Variants in ADGRL2 observed in about 807,000 individuals in gnomAD.
ADGRL2 encodes the protein adhesion G protein-coupled receptor L2.
A neutral mutation model predicts 157.4 loss-of-function variants in ADGRL2; 44 were observed. The observed-to-expected ratio is 0.28, with a 90% CI of 0.22 to 0.36. The LOEUF (loss-of-function observed/expected upper bound fraction) is 0.36. ADGRL2 is among the 10% of genes least tolerant of loss of function. The probability of loss-of-function intolerance (pLI) is 1.00; values close to 1 mark genes in which losing one functional copy is unlikely to be tolerated. For synonymous variants in ADGRL2, 585 were observed against 624.7 expected (o/e 0.94, Z 0.95); for missense variants, 1,510 against 1,768.9 (o/e 0.85, Z 2.63).
intron 2 of ADGRL2, among the ~76,000 whole-genome samples, chr1:81,556,229 A>T (rs962418236): frequency 1.3e-5 from 2 of 149,754 alleles, no homozygotes; most frequent in African/African-American, 4.9e-5. Context: ...GAATTTACAT[A>T]TTTTTCTACA....
At chr1:81,526,251 T>G (rs1345438216) in intron 2 of ADGRL2, among the ~76,000 whole-genome samples, 2 of 132,252 alleles carry the variant, frequency 1.5e-5, no homozygotes, top group African/African-American at 5.8e-5. Context: ...CAGAATAACT[T>G]TTGAACCTAT....
chr1:81,846,838 G>T (rs1351445095), intron 2 of ADGRL2, among the ~76,000 whole-genome samples: 1 of 151,914 alleles, frequency 6.6e-6, no homozygotes, highest in Non-Finnish European at 1.5e-5. Flanking sequence ...ACAATAGAAA[G>T]CCTGTTGGAT....
chr1:81,357,898 A>G (rs1217955835), intron 1 of ADGRL2, among the ~76,000 whole-genome samples: 1 of 152,222 alleles, frequency 6.6e-6, no homozygotes, highest in African/African-American at 2.4e-5. Flanking sequence ...GAGGATATTA[A>G]TCTCTGCATA....
intron 2 of ADGRL2, among the ~76,000 whole-genome samples, chr1:81,572,185 A>T (rs1425700804): frequency 6.6e-6 from 1 of 152,222 alleles, no homozygotes; most frequent in Non-Finnish European, 1.5e-5. Context: ...GATAAGTTCC[A>T]TTTAGTCATT....
intron 17 of ADGRL2, among the ~76,000 whole-genome samples, chr1:81,974,309 A>T (rs1249499958): frequency 6.6e-6 from 1 of 152,212 alleles, no homozygotes; most frequent in Non-Finnish European, 1.5e-5. Flanking sequence ...AACCATTAGT[A>T]TGCCTGAAAT....
At chr1:81,862,994 T>C (rs1322260946) in intron 2 of ADGRL2, among the ~76,000 whole-genome samples, 1 of 152,224 alleles carries the variant, frequency 6.6e-6, no homozygotes, top group Non-Finnish European at 1.5e-5. Flanking sequence ...AGGCTGAGAA[T>C]CTGATTTTTG....
intron 3 of ADGRL2, among the ~76,000 whole-genome samples, chr1:81,659,123 A>G (rs1330518885): frequency 1.4e-5 from 2 of 139,748 alleles, no homozygotes; most frequent in African/African-American, 5.4e-5. Flanking sequence ...GTGCAATGGC[A>G]CAATTTCAGC....
intron 1 of ADGRL2, chr1:81,414,212 A>T (rs538087553): frequency 1.4e-4 from 21 of 152,242 alleles, no homozygotes; most frequent in African/African-American, 5.1e-4. Flanking sequence ...GAAGACAGTA[A>T]ATCACAGTCT....
intron 1 of ADGRL2, among the ~76,000 whole-genome samples, chr1:81,701,471 A>G (rs1224754880): frequency 6.6e-6 from 1 of 152,170 alleles, no homozygotes; most frequent in Non-Finnish European, 1.5e-5. Context: ...GGCTGGGTCC[A>G]GAAGCTTCAG....
In ADGRL2 at chr1:81,882,582, A is replaced by G. The variant is rs1332907353; in HGVS notation, c.74-24435A>G. ...TGTATCCATGACATATTTCAAACAG[A>G]AAAATATGCAATCTGTTTTCATAGT... On this transcript the variant is annotated intron_variant, in intron 2 of 23. Coordinates refer to ENST00000686636, the MANE Select transcript of ADGRL2 (RefSeq NM_001366006.2). 2.0e-5 allele frequency among the ~76,000 whole-genome samples: 3 copies of G among 152,156 alleles called. No individual in the cohort carries two copies. In the East Asian group the frequency reaches 5.8e-4, roughly 29 times the overall value.
intron 3 of ADGRL2, among the ~76,000 whole-genome samples, chr1:81,681,155 T>G (rs186940679): frequency 6.6e-6 from 1 of 152,346 alleles, no homozygotes; most frequent in East Asian, 1.9e-4. Flanking sequence ...CCTCTATATC[T>G]TAAATCTGTA....
intron 2 of ADGRL2, among the ~76,000 whole-genome samples, chr1:81,795,091 A>T (rs2087522566): frequency 6.6e-6 from 1 of 152,184 alleles, no homozygotes; most frequent in African/African-American, 2.4e-5. Flanking sequence ...GCTATAAAAG[A>T]TTTTCAGAAA....
intron 1 of ADGRL2, among the ~76,000 whole-genome samples, chr1:81,342,732 A>C (rs1406570918): frequency 1.3e-5 from 2 of 152,144 alleles, no homozygotes; most frequent in African/African-American, 2.4e-5. Flanking sequence ...TTATCTTTTA[A>C]CAGCATGATG....
intron 2 of ADGRL2, among the ~76,000 whole-genome samples, chr1:81,475,072 A>G (rs1049699743): frequency 2.0e-5 from 3 of 152,198 alleles, no homozygotes; most frequent in African/African-American, 7.2e-5. Context: ...CCAAGTCTTT[A>G]GCCTTCTATT....
intron 2 of ADGRL2, among the ~76,000 whole-genome samples, chr1:81,839,830 CATATATATATGTTTTCCATCAT>C (rs750929755): frequency 0.015 from 1,455 of 97,616 alleles, 34 homozygotes; most frequent in African/African-American, 0.022. Flanking sequence ...TGTTTTCCAT[CATATATATATGTTTTCCATCAT>C]ATATATATAT....
At position 81,894,418 on chromosome 1, in the gene ADGRL2, C is replaced by G. The variant is rs142505418; in HGVS notation, c.74-12599C>G. 7.9e-3 allele frequency among the ~76,000 whole-genome samples: 1,205 copies of G among 152,208 alleles called. 16 individuals are homozygous for G. Among genetic ancestry groups the G allele is most frequent in the African/African-American group, 0.027 (1,133 of 41,532 alleles). On this transcript the variant is annotated intron_variant, in intron 2 of 23. Coordinates refer to ENST00000686636, the MANE Select transcript of ADGRL2 (RefSeq NM_001366006.2). The stretch of plus-strand genomic sequence containing the variant: ...TTGAGAAAAGTAATAGCACAATAGT[C>G]ACAGCATTCACTAGAGTATTTTTGT...
chr1:81,329,196 C>T, intron 1 of ADGRL2, among the ~76,000 whole-genome samples: 1 of 152,030 alleles, frequency 6.6e-6, no homozygotes, highest in Non-Finnish European at 1.5e-5. Context: ...AAGCTCCAGT[C>T]ATTATGTTCA....
intron 2 of ADGRL2, among the ~76,000 whole-genome samples, chr1:81,570,049 T>A (rs1008453042): frequency 3.3e-5 from 5 of 152,060 alleles, no homozygotes; most frequent in Non-Finnish European, 7.4e-5. Context: ...ACCAATTCTT[T>A]CAAAGCAAAA....
intron 2 of ADGRL2, among the ~76,000 whole-genome samples, chr1:81,769,898 CT>C (rs2086282713): frequency 6.6e-6 from 1 of 151,264 alleles, no homozygotes; most frequent in Non-Finnish European, 1.5e-5. Context: ...GAGTCTTGCT[CT>C]GTCATCCAGG....
Sources: gnomAD v4.1 joint callset for allele counts (sites outside exome capture counted in the v4.1 genomes callset) on GRCh38, gnomAD v4.1.1 for gene constraint, MANE v1.5 for transcripts, NCBI Gene and HGNC (gene_info 2026-07-23, HGNC 2026-07-21) for gene names.